ARSG: variants seen among roughly 807,000 people sequenced by gnomAD.
ARSG encodes ASG.
ARSG carries 37 observed loss-of-function variants against 50.5 expected under a neutral mutation model. The ratio of observed to expected loss-of-function variants is 0.73; its 90% confidence interval spans 0.56 to 0.96. The LOEUF is 0.96. ARSG is among the 50% of genes least tolerant of loss of function. ARSG has a pLI of 0.00. For missense variants in ARSG, 629 were observed against 675.3 expected (o/e 0.93, Z 0.76); for synonymous variants, 225 against 254.6 (o/e 0.88, Z 1.11).
chr17:68,262,326 C>T (rs762104770), intron 1 of ARSG, among the ~76,000 whole-genome samples: 3 of 151,770 alleles, frequency 2.0e-5, no homozygotes, highest in Non-Finnish European at 2.9e-5. Context: ...AAAAAATTAG[C>T]CAGGTGTGGT....
chr17:68,412,450 C>T (rs2082062688), intron 11 of ARSG, among the ~76,000 whole-genome samples: 1 of 152,088 alleles, frequency 6.6e-6, no homozygotes, highest in Non-Finnish European at 1.5e-5. Flanking sequence ...ATATTGGCCC[C>T]CACTCTCTTC....
Position 68,271,184 on chromosome 17 carries a change from G to A in ARSG, c.-552+11758G>A. The stretch of plus-strand genomic sequence containing the variant: ...GATAATAAAAAAGCAGCGCGGTCCT[G>A]GTCAATGCCCAGACTAATGCCCAGA... On this transcript the variant is annotated intron_variant, in intron 1 of 11. Transcript: ENST00000448504. The surrounding 1 kb of genome is among the most constrained non-coding windows in gnomAD (Gnocchi z 5.3). The A allele has an allele frequency of 6.2e-7, 1 of 1,614,012 alleles. No homozygotes were observed. The highest frequency in any genetic ancestry group is 8.5e-7 in the Non-Finnish European group (1 of 1,180,044).
intron 2 of ARSG, among the ~76,000 whole-genome samples, chr17:68,324,455 TGCGGACCG>T (rs2077422751): frequency 6.6e-6 from 1 of 152,164 alleles, no homozygotes; most frequent in South Asian, 2.1e-4. Context: ...CGATACCTCC[TGCGGACCG>T]GCCCAGCTCC....
the ARSG span, chr17:68,428,992 G>T: frequency 7.3e-7 from 1 of 1,371,320 alleles, no homozygotes. Flanking sequence ...CGATGGATTC[G>T]CTTCCAATGA....
chr17:68,385,860 G>T (rs1036210077), intron 9 of ARSG, among the ~76,000 whole-genome samples: 2 of 152,230 alleles, frequency 1.3e-5, no homozygotes, highest in East Asian at 1.9e-4. Context: ...CTAGCAATCC[G>T]ATGGCCCCAA....
intron 1 of ARSG, among the ~76,000 whole-genome samples, chr17:68,264,457 G>C (rs1248466659): frequency 6.8e-6 from 1 of 147,992 alleles, no homozygotes; most frequent in Non-Finnish European, 1.5e-5. Flanking sequence ...TTTTTTTTTT[G>C]AGTTGGAGTT....
chr17:68,330,212 A>C (rs2077670598), intron 2 of ARSG, among the ~76,000 whole-genome samples: 1 of 152,032 alleles, frequency 6.6e-6, no homozygotes, highest in South Asian at 2.1e-4. Flanking sequence ...TCCATCTCAA[A>C]AAAAAAAAGA....
At chr17:68,366,673 A>G (rs2079560514) in intron 6 of ARSG, among the ~76,000 whole-genome samples, 1 of 134,870 alleles carries the variant, frequency 7.4e-6, no homozygotes, top group African/African-American at 2.8e-5. Context: ...CTAGGAATTT[A>G]TGTATGTGTG....
intron 1 of ARSG, among the ~76,000 whole-genome samples, chr17:68,295,420 A>C (rs1182365125): frequency 2.0e-5 from 3 of 152,066 alleles, no homozygotes; most frequent in African/African-American, 7.2e-5. Context: ...TAGGCTTCTC[A>C]GTCTTCATAG....
At chr17:68,318,687 G>A (rs1280995726) in intron 2 of ARSG, among the ~76,000 whole-genome samples, 4 of 152,172 alleles carry the variant, frequency 2.6e-5, no homozygotes, top group African/African-American at 7.2e-5. Context: ...TTAACTTTGC[G>A]CCTTGATCTC....
intron 1 of ARSG, among the ~76,000 whole-genome samples, chr17:68,304,676 TTTG>T (rs1327873546): frequency 3.3e-5 from 5 of 152,286 alleles, no homozygotes; most frequent in East Asian, 1.9e-4. Flanking sequence ...CAACTGAAGC[TTTG>T]TTGTTGTTGT....
chr17:68,413,463 C>A (rs933716767), intron 11 of ARSG, among the ~76,000 whole-genome samples: 2 of 152,218 alleles, frequency 1.3e-5, no homozygotes, highest in African/African-American at 4.8e-5. Flanking sequence ...AGGAGGCAGT[C>A]TGCCCGTTCT....
the ARSG span, among the ~76,000 whole-genome samples, chr17:68,439,605 C>T: frequency 1.3e-4 from 20 of 152,180 alleles, no homozygotes; most frequent in Non-Finnish European, 2.4e-4. Context: ...GCATTTTAAA[C>T]GGGTGAATTG....
chr17:68,352,694 G>T (rs1432981938), intron 5 of ARSG, among the ~76,000 whole-genome samples: 1 of 152,072 alleles, frequency 6.6e-6, no homozygotes, highest in Non-Finnish European at 1.5e-5. Context: ...ATTTTTAGAA[G>T]AGACGGGGTT....
chr17:68,333,134 C>T (rs1451689727), intron 2 of ARSG, among the ~76,000 whole-genome samples: 1 of 151,334 alleles, frequency 6.6e-6, no homozygotes, highest in Non-Finnish European at 1.5e-5. Flanking sequence ...CATGGTGAAA[C>T]CCCGTCTCTA....
chr17:68,434,921 G>T, the ARSG span, among the ~76,000 whole-genome samples: 25 of 152,144 alleles, frequency 1.6e-4, no homozygotes, highest in Non-Finnish European at 3.2e-4. Context: ...TCAATTTGAG[G>T]CCGGGTGTGG....
intron 2 of ARSG, among the ~76,000 whole-genome samples, chr17:68,318,605 C>G (rs1300813686): frequency 1.3e-5 from 2 of 152,210 alleles, no homozygotes; most frequent in Admixed American, 6.5e-5. Flanking sequence ...AACTGTCTGC[C>G]AGGCTGACTC....
chr17:68,392,710 G>A (rs551508867), intron 9 of ARSG, among the ~76,000 whole-genome samples: 19 of 152,280 alleles, frequency 1.2e-4, no homozygotes, highest in African/African-American at 4.6e-4. Context: ...ATGTTGGCCA[G>A]GCTGGTCTCA....
rs143536979 is a variant in ARSG, at chr17:68,311,063, C to T, written c.218+3352C>T. On this transcript the variant is annotated intron_variant, in intron 2 of 11. Transcript: ENST00000621439. The stretch of plus-strand genomic sequence containing the variant: ...AAATGCAAAAATTAGCCAGATGTGG[C>T]GGTGCACGGGAGAACCTGGGAGACA... Among the ~76,000 whole-genome samples, 288 of 152,216 alleles carry T rather than the reference C, an allele frequency of 1.9e-3. 1 individual carries two copies. The highest frequency in any genetic ancestry group is 6.6e-3 in the African/African-American group (274 of 41,536).
Sources: gnomAD v4.1 joint callset for allele counts (sites outside exome capture counted in the v4.1 genomes callset) on GRCh38, gnomAD v4.1.1 for gene constraint, Gnocchi (gnomAD v3.1) non-coding constraint, MANE v1.5 for transcripts, NCBI Gene and HGNC (gene_info 2026-07-23, HGNC 2026-07-21) for gene names.